CTNNA2: variants seen among roughly 807,000 people sequenced by gnomAD.
CTNNA2 encodes the protein catenin alpha-2.
CTNNA2 carries 42 observed loss-of-function variants against 101.0 expected under a neutral mutation model. That is an observed-to-expected ratio of 0.42 (90% CI 0.32 to 0.54). The LOEUF (loss-of-function observed/expected upper bound fraction) is 0.54. Ranked by LOEUF, CTNNA2 falls within the 20% of genes least tolerant of loss-of-function variation. The pLI, the probability that CTNNA2 is intolerant of heterozygous loss-of-function variation, is 0.14. For missense variants in CTNNA2, 871 were observed against 1,223.1 expected, an observed-to-expected ratio of 0.71 and a Z score of 4.29; for synonymous variants, 450 against 456.4, an observed-to-expected ratio of 0.99 and a Z score of 0.18.
intron 9 of CTNNA2, among the ~76,000 whole-genome samples, chr2:80,541,961 T>G (rs1691600866): frequency 1.4e-5 from 2 of 146,454 alleles, no homozygotes; most frequent in South Asian, 4.5e-4. Flanking sequence ...TCATACACTG[T>G]CACTCAGCTT....
At chr2:79,644,678 T>G (rs1031945990) in intron 1 of CTNNA2, among the ~76,000 whole-genome samples, 1 of 152,158 alleles carries the variant, frequency 6.6e-6, no homozygotes, top group African/African-American at 2.4e-5. Flanking sequence ...ACCTGCTCTG[T>G]CTCACCAGGA....
At chr2:79,543,335 A>C (rs1005017108) in intron 1 of CTNNA2, among the ~76,000 whole-genome samples, 4 of 152,158 alleles carry the variant, frequency 2.6e-5, no homozygotes, top group Admixed American at 1.3e-4. Context: ...ATTTTATTTT[A>C]CTTTGAAATG....
At chr2:79,320,260 A>ATTTTTTTTTTTTTT (rs34694986) in intron 3 of CTNNA2, among the ~76,000 whole-genome samples, 2 of 119,786 alleles carry the variant, frequency 1.7e-5, no homozygotes, top group Non-Finnish European at 1.7e-5. Flanking sequence ...TTACGTTTCA[A>ATTTTTTTTTTTTTT]TTTTTTTTTT....
rs138979593 is a variant in CTNNA2 at position 80,222,246 on chromosome 2, G to A, written c.1057-170965G>A. 3.2e-3 allele frequency among the ~76,000 whole-genome samples: 483 copies of A among 152,210 alleles called. 3 individuals carry two copies. Among genetic ancestry groups the A allele is most frequent in the African/African-American group, 0.011 (461 of 41,532 alleles). On this transcript the variant is annotated intron_variant, in intron 7 of 18. Transcript: ENST00000402739. ...TTTAAATTACTTTTCTGCCTCCAGA[G>A]TCCCAAATTCTGCTTATACACAAAG...
chr2:80,355,880 G>A (rs1242724468), intron 7 of CTNNA2, among the ~76,000 whole-genome samples: 1 of 152,010 alleles, frequency 6.6e-6, no homozygotes, highest in African/African-American at 2.4e-5. Context: ...CCCCAAAAAA[G>A]TATTCACCTT....
intron 4 of CTNNA2, among the ~76,000 whole-genome samples, chr2:79,467,330 A>C (rs1670948140): frequency 6.6e-6 from 1 of 152,198 alleles, no homozygotes; most frequent in Non-Finnish European, 1.5e-5. Context: ...TTAGAGAAAA[A>C]AGAGAAAAAA....
chr2:79,688,433 ACAAAT>A (rs1684082147), intron 2 of CTNNA2, among the ~76,000 whole-genome samples: 1 of 152,050 alleles, frequency 6.6e-6, no homozygotes, highest in Non-Finnish European at 1.5e-5. Flanking sequence ...ATAATTAAAA[ACAAAT>A]CAAATAGAAC....
chr2:80,600,082 G>T (rs216648), intron 15 of CTNNA2, among the ~76,000 whole-genome samples: 79,022 of 151,496 alleles, frequency 0.52, 20,864 homozygotes, highest in East Asian at 0.62. Flanking sequence ...AGATAAAAGG[G>T]AATAAAATTT....
At chr2:79,402,385 A>G (rs900424419) in intron 4 of CTNNA2, among the ~76,000 whole-genome samples, 2 of 151,808 alleles carry the variant, frequency 1.3e-5, no homozygotes, top group Non-Finnish European at 3.0e-5. Context: ...TCTGCAGGGG[A>G]TGTGTCTCAA....
intron 2 of CTNNA2, among the ~76,000 whole-genome samples, chr2:79,227,684 T>C (rs539463546): frequency 2.2e-4 from 34 of 152,304 alleles, no homozygotes; most frequent in African/African-American, 8.2e-4. Flanking sequence ...ATAATACATA[T>C]TTTAATTAAA....
At chr2:79,822,486 A>G (rs1467726609) in intron 3 of CTNNA2, among the ~76,000 whole-genome samples, 8 of 152,174 alleles carry the variant, frequency 5.3e-5, no homozygotes, top group Admixed American at 5.2e-4. Context: ...CTCCTTTATC[A>G]AATGTAATTT....
chr2:80,641,297 A>G (rs781195390), intron 18 of CTNNA2, among the ~76,000 whole-genome samples: 1 of 152,190 alleles, frequency 6.6e-6, no homozygotes, highest in Non-Finnish European at 1.5e-5. Context: ...TTTTAATCCA[A>G]TGACAGATTG....
chr2:80,564,498 G>C, intron 12 of CTNNA2, among the ~76,000 whole-genome samples: 1 of 140,026 alleles, frequency 7.1e-6, no homozygotes, highest in South Asian at 2.4e-4. Flanking sequence ...GTCGTGAATG[G>C]AATTTAGAGA....
In CTNNA2 at chr2:79,354,807, T is replaced by C. The variant is rs147073620; in HGVS notation, c.-317-19024T>C. Among the ~76,000 whole-genome samples, 363 of 152,302 alleles carry C rather than the reference T, an allele frequency of 2.4e-3. 1 individual carries two copies. The highest frequency in any genetic ancestry group is 8.3e-3 in the African/African-American group (346 of 41,572). ...GCTGTTCAGAGCTAGGAATGAGTCC[T>C]GGTAGTCAGCAATCCCATGTAGGAT... On this transcript the variant is annotated intron_variant, in intron 3 of 21. Coordinates refer to the CTNNA2 transcript ENST00000466387.
At chr2:79,457,092 C>T (rs1392268068) in intron 4 of CTNNA2, among the ~76,000 whole-genome samples, 1 of 151,722 alleles carries the variant, frequency 6.6e-6, no homozygotes, top group Non-Finnish European at 1.5e-5. Flanking sequence ...GTCCCAGCTA[C>T]TCAGGAGGCT....
At chr2:80,011,578 T>G (rs1693787816) in intron 7 of CTNNA2, among the ~76,000 whole-genome samples, 1 of 123,560 alleles carries the variant, frequency 8.1e-6, no homozygotes, top group Admixed American at 8.1e-5. Flanking sequence ...ACTAGGGAGA[T>G]GAGTGTCCAG....
At chr2:80,589,198 T>C in intron 14 of CTNNA2, 106 bp from the exon 15 acceptor site, 1 of 1,149,778 alleles carries the variant, frequency 8.7e-7, no homozygotes. Context: ...GGGTAGCTCA[T>C]AAGCCTTTGC....
chr2:79,803,270 G>A (rs138031485), intron 3 of CTNNA2, among the ~76,000 whole-genome samples: 2,885 of 152,270 alleles, frequency 0.019, 75 homozygotes, highest in African/African-American at 0.065. Context: ...ACCCAGCGGC[G>A]CTAGAGGAAT....
chr2:80,195,289 T>C (rs1706759280), intron 7 of CTNNA2, among the ~76,000 whole-genome samples: 1 of 152,160 alleles, frequency 6.6e-6, no homozygotes, highest in African/African-American at 2.4e-5. Context: ...TGAAGAAAAG[T>C]ATACCACTCA....
Sources: gnomAD v4.1 joint callset for allele counts (sites outside exome capture counted in the v4.1 genomes callset) on GRCh38, gnomAD v4.1.1 for gene constraint, MANE v1.5 for transcripts, NCBI Gene and HGNC (gene_info 2026-07-23, HGNC 2026-07-21) for gene names.